WWC2: variants seen among roughly 807,000 people sequenced by gnomAD.
The protein encoded by WWC2 is WW and C2 domain containing 2.
WWC2 carries 101 observed loss-of-function variants against 138.5 expected under a neutral mutation model. That is an observed-to-expected ratio of 0.73 (90% CI 0.62 to 0.86). The LOEUF is 0.86. WWC2 is among the 40% of genes least tolerant of loss of function. WWC2 has a pLI of 0.00. For synonymous variants in WWC2, 558 were observed against 538.4 expected (o/e 1.04, Z -0.50); for missense variants, 1,420 against 1,419.4 (o/e 1.00, Z -0.01).
At chr4:183,248,636 C>A in intron 6 of WWC2, 78 bp from the exon 7 acceptor site, 1 of 1,408,516 alleles carries the variant, frequency 7.1e-7, no homozygotes. Context: ...TAGCTCTTTC[C>A]TTTTAATTTC....
chr4:183,298,833 A>G (rs912047954), intron 21 of WWC2, among the ~76,000 whole-genome samples: 6 of 152,190 alleles, frequency 3.9e-5, no homozygotes, highest in Non-Finnish European at 8.8e-5. Context: ...TGAAGTCTGC[A>G]TGGCCTAAAG....
intron 1 of WWC2, among the ~76,000 whole-genome samples, chr4:183,172,260 G>T (rs1734311630): frequency 6.6e-6 from 1 of 152,098 alleles, no homozygotes; most frequent in Non-Finnish European, 1.5e-5. Context: ...CTGTCATCTT[G>T]TAGGTTTCAT....
chr4:183,186,535 T>G (rs914897019), intron 1 of WWC2, among the ~76,000 whole-genome samples: 26 of 151,900 alleles, frequency 1.7e-4, no homozygotes, highest in African/African-American at 6.3e-4. Flanking sequence ...TGAGGAAAGG[T>G]TTTTTAGGGT....
chr4:183,175,454 G>A (rs987703400), intron 1 of WWC2, among the ~76,000 whole-genome samples: 1 of 151,904 alleles, frequency 6.6e-6, no homozygotes, highest in Non-Finnish European at 1.5e-5. Flanking sequence ...GTAGAGATGG[G>A]GTTTTATCAT....
rs1732626762 is a variant in WWC2 at position 183,122,221 on chromosome 4, G to T, written c.131+22599G>T. 2.6e-5 allele frequency among the ~76,000 whole-genome samples: 4 copies of T among 152,150 alleles called. No individual in the cohort carries two copies. The South Asian group carries it at 8.3e-4, about 32-fold the overall frequency. On this transcript the variant is annotated intron_variant, in intron 1 of 22. Coordinates refer to ENST00000403733, the MANE Select transcript of WWC2 (RefSeq NM_024949.6). ...TTATAAAATCAGTGGGGCAAGAATG[G>T]ATTATTTAATAAATGGTGCTGGTAC...
intron 4 of WWC2, among the ~76,000 whole-genome samples, chr4:183,224,584 G>A (rs910620741): frequency 6.5e-5 from 9 of 139,144 alleles, no homozygotes; most frequent in East Asian, 6.4e-4. Flanking sequence ...TTTTTGAGAC[G>A]GAGTCTCGCT....
chr4:183,304,059 T>C lies in WWC2; in HGVS notation c.3385-8282T>C, dbSNP rs1442165201. ...TTAAAAGCTACAGGCTTCTGGTTTC[T>C]GGTCCAACATATAAGGAGTTTGAAG... On this transcript the variant is annotated intron_variant, in intron 21 of 22. Transcript: ENST00000403733. Among the ~76,000 whole-genome samples, 3 of 152,288 alleles carry C rather than the reference T, an allele frequency of 2.0e-5. No individual in the cohort carries two copies. In the East Asian group the frequency reaches 5.8e-4, roughly 29 times the overall value.
At chr4:183,188,122 G>A (rs1274930568) in intron 1 of WWC2, among the ~76,000 whole-genome samples, 1 of 152,218 alleles carries the variant, frequency 6.6e-6, no homozygotes, top group Non-Finnish European at 1.5e-5. Flanking sequence ...AAGGGCTCAT[G>A]GCAGGAAGAA....
At chr4:183,188,748 G>A (rs981907050) in intron 1 of WWC2, among the ~76,000 whole-genome samples, 1 of 148,700 alleles carries the variant, frequency 6.7e-6, no homozygotes, top group East Asian at 2.1e-4. Flanking sequence ...GGGTTCAAGC[G>A]ATTCTCCTGC....
At chr4:183,114,610 A>AT (rs1258933990) in intron 1 of WWC2, among the ~76,000 whole-genome samples, 4 of 151,816 alleles carry the variant, frequency 2.6e-5, no homozygotes, top group African/African-American at 9.7e-5. Context: ...ACATGGCAAT[A>AT]TTTTTTGTGA....
intron 4 of WWC2, among the ~76,000 whole-genome samples, chr4:183,228,724 G>C (rs961304607): frequency 6.6e-6 from 1 of 152,036 alleles, no homozygotes; most frequent in Non-Finnish European, 1.5e-5. Context: ...ACTGCTGGTG[G>C]GAAACTGGCC....
At chr4:183,205,260 T>G (rs1202231214) in intron 2 of WWC2, among the ~76,000 whole-genome samples, 2 of 152,212 alleles carry the variant, frequency 1.3e-5, no homozygotes, top group African/African-American at 4.8e-5. Context: ...CCATTTTACA[T>G]AGTGAGCAAT....
chr4:183,175,472 A>G (rs1734439701), intron 1 of WWC2, among the ~76,000 whole-genome samples: 1 of 152,144 alleles, frequency 6.6e-6, no homozygotes, highest in Admixed American at 6.5e-5. Context: ...CATGTTGTCC[A>G]GGCTGGCCCC....
At chr4:183,245,185 C>T (rs1321775575) in intron 5 of WWC2, among the ~76,000 whole-genome samples, 1 of 148,170 alleles carries the variant, frequency 6.7e-6, no homozygotes, top group East Asian at 2.0e-4. Context: ...TGAGATCACG[C>T]CACTGCACTC....
chr4:183,118,650 G>T (rs575870981), intron 1 of WWC2, among the ~76,000 whole-genome samples: 1 of 152,210 alleles, frequency 6.6e-6, no homozygotes, highest in Admixed American at 6.5e-5. Context: ...CATTGTGAGT[G>T]TTCTGTCTAT....
intron 1 of WWC2, among the ~76,000 whole-genome samples, chr4:183,125,450 G>A (rs1241548699): frequency 6.6e-6 from 1 of 152,292 alleles, no homozygotes; most frequent in Middle Eastern, 3.4e-3. Context: ...GCTATTTCTA[G>A]TGAAAAACAT....
In WWC2 at chr4:183,319,726, C is replaced by A. The variant is rs781582330; in HGVS notation, c.*3997C>A. ...CCAGCAAACCAGCCCAGAAACAGGG[C>A]CTCCCCAAACTCCCACCTGGGGACA... On this transcript the variant is annotated 3_prime_UTR_variant, in exon 23 of 23. Transcript: ENST00000403733. 4 of 1,613,998 alleles carry A rather than the reference C, an allele frequency of 2.5e-6. No homozygotes were observed. The highest frequency in any genetic ancestry group is 3.4e-6 in the Non-Finnish European group (4 of 1,179,966).
intron 4 of WWC2, among the ~76,000 whole-genome samples, chr4:183,217,313 G>C (rs1735786228): frequency 6.6e-6 from 1 of 152,010 alleles, no homozygotes; most frequent in Non-Finnish European, 1.5e-5. Context: ...GGAGTGTTGG[G>C]TATATTCTAA....
At chr4:183,259,539 T>C in intron 9 of WWC2, 100 bp from the exon 10 acceptor site, 4 of 935,276 alleles carry the variant, frequency 4.3e-6, no homozygotes, top group South Asian at 1.8e-5. Flanking sequence ...TTCACATTTT[T>C]CCCTTGTGAT....
Sources: gnomAD v4.1 joint callset for allele counts (sites outside exome capture counted in the v4.1 genomes callset) on GRCh38, gnomAD v4.1.1 for gene constraint, MANE v1.5 for transcripts, NCBI Gene and HGNC (gene_info 2026-07-23, HGNC 2026-07-21) for gene names.